The following TSPEAR variants were observed in gnomAD, a reference collection of about 807,000 sequenced individuals.
TSPEAR encodes the protein thrombospondin-type laminin G domain and EAR repeat-containing protein.
Under a neutral mutation model 71.6 loss-of-function variants are expected in TSPEAR, and 69 were observed. That is an observed-to-expected ratio of 0.96 (90% CI 0.79 to 1.18). TSPEAR has a LOEUF of 1.18. Ranked by LOEUF, TSPEAR falls within the 50% of genes most tolerant of loss-of-function variation. TSPEAR has a pLI of 0.00. For missense variants in TSPEAR, 971 were observed against 894.9 expected (o/e 1.09, Z -1.09); for synonymous variants, 402 against 387.2 (o/e 1.04, Z -0.45).
At chr21:44,689,332 C>T (rs1387822280) in intron 1 of TSPEAR, among the ~76,000 whole-genome samples, 1 of 151,932 alleles carries the variant, frequency 6.6e-6, no homozygotes, top group African/African-American at 2.4e-5. Context: ...GAAACCCCGT[C>T]TCTACTAAAA....
rs2053724355 is a variant in TSPEAR, at chr21:44,567,943, T to G, written c.145A>C (p.Arg49=). The change falls in exon 2 of 12, where the codon AGG becomes CGG. Residue 49 remains arginine (R), a synonymous_variant. Transcript: ENST00000323084. Reference sequence around the variant, plus strand: ...CGTGCACCGTGAACCTGAACTATCCTGATCCCGCTTGTGGCGCCATCAGAA... The same window carrying G: ...CGTGCACCGTGAACCTGAACTATCCGGATCCCGCTTGTGGCGCCATCAGAA... ...VPSDGATSGI[R]IVQVHGARGL... is the part of the protein sequence containing the mutation. The G allele has an allele frequency of 1.3e-6, 2 of 1,587,312 alleles. No homozygotes were observed. The highest frequency in any genetic ancestry group is 4.5e-5 in the East Asian group (2 of 44,152).
At chr21:44,526,924 AAAGG>A (rs1257355943) in intron 7 of TSPEAR, among the ~76,000 whole-genome samples, 1 of 152,250 alleles carries the variant, frequency 6.6e-6, no homozygotes, top group East Asian at 1.9e-4. Context: ...ACATTTGAGG[AAAGG>A]AAGGATCAGG....
At chr21:44,513,333 G>A (rs1364713824) in intron 9 of TSPEAR, among the ~76,000 whole-genome samples, 1 of 152,166 alleles carries the variant, frequency 6.6e-6, no homozygotes, top group African/African-American at 2.4e-5. Flanking sequence ...CAGGGGCTGT[G>A]CCAACCCAGG....
At chr21:44,525,560 GTTT>G (rs1422272789) in intron 8 of TSPEAR, 90 bp downstream of exon 8, 3 of 1,333,354 alleles carry the variant, frequency 2.2e-6, no homozygotes, top group East Asian at 2.3e-5. Flanking sequence ...GTGGCTTATT[GTTT>G]TCTAATAAGA....
intron 11 of TSPEAR, among the ~76,000 whole-genome samples, chr21:44,503,528 AAGC>A: frequency 9.8e-6 from 1 of 102,334 alleles, no homozygotes; most frequent in Non-Finnish European, 1.9e-5. Flanking sequence ...CCTTGGGGGG[AAGC>A]CGGCCTTGGT....
chr21:44,558,687 G>A lies in TSPEAR; in HGVS notation c.303+9098C>T, dbSNP rs1319007935. 9.9e-6 allele frequency: 16 copies of A among 1,611,672 alleles called. No individual in the cohort carries two copies. Among genetic ancestry groups the A allele is most frequent in the Middle Eastern group, 1.7e-4 (1 of 5,752 alleles). On this transcript the variant is annotated intron_variant, in intron 2 of 11. Transcript: ENST00000323084. Reference sequence around the variant, plus strand: ...CTGCCAGGAGTCAGAGTAAGCGCTGGAGCAGACGGACATGGTAGACGTGGC... The same window carrying A: ...CTGCCAGGAGTCAGAGTAAGCGCTGAAGCAGACGGACATGGTAGACGTGGC...
At chr21:44,693,965 T>C (rs1987222207) in intron 1 of TSPEAR, among the ~76,000 whole-genome samples, 2 of 152,222 alleles carry the variant, frequency 1.3e-5, no homozygotes, top group South Asian at 4.1e-4. Flanking sequence ...ATGAATGGAT[T>C]CACACTTCCC....
chr21:44,650,978 C>G (rs1249671690), intron 1 of TSPEAR, among the ~76,000 whole-genome samples: 1 of 152,158 alleles, frequency 6.6e-6, no homozygotes, highest in African/African-American at 2.4e-5. Flanking sequence ...CTGATGGTCC[C>G]CCAGGTCCAG....
At chr21:44,700,357 C>G (rs545229651) in intron 1 of TSPEAR, among the ~76,000 whole-genome samples, 1 of 152,204 alleles carries the variant, frequency 6.6e-6, no homozygotes, top group African/African-American at 2.4e-5. Context: ...TTGCTGGGGC[C>G]CCTCCTCTGC....
intron 2 of TSPEAR, chr21:44,558,778 G>T (rs1259172982): frequency 3.2e-6 from 5 of 1,543,520 alleles, no homozygotes; most frequent in Non-Finnish European, 3.5e-6. Flanking sequence ...AGTGAGTGAG[G>T]GAGTGAGTGA....
intron 2 of TSPEAR, among the ~76,000 whole-genome samples, chr21:44,567,270 G>C (rs1555921860): frequency 6.6e-6 from 1 of 152,172 alleles, no homozygotes; most frequent in Non-Finnish European, 1.5e-5. Flanking sequence ...CACCACTGTT[G>C]GAAATGCAAA....
Position 44,654,562 on chromosome 21 carries a change from G to A in TSPEAR, c.82+56871C>T, listed in dbSNP as rs587731144. 530 of 1,607,386 alleles carry A rather than the reference G, an allele frequency of 3.3e-4. 6 individuals carry two copies. In the South Asian group the frequency reaches 4.6e-3, roughly 14 times the overall value. Reference sequence around the variant, plus strand: ...GTAGCAGGTGCTGGGGACACAGCACGGGGAGCCAGGGCAGGCCATTGGGCA... The same window carrying A: ...GTAGCAGGTGCTGGGGACACAGCACAGGGAGCCAGGGCAGGCCATTGGGCA... On this transcript the variant is annotated intron_variant, in intron 1 of 11. Coordinates refer to ENST00000323084, the MANE Select transcript of TSPEAR (RefSeq NM_144991.3).
chr21:44,512,030 G>A (rs1333210412), intron 9 of TSPEAR, among the ~76,000 whole-genome samples: 2 of 152,360 alleles, frequency 1.3e-5, no homozygotes, highest in South Asian at 4.1e-4. Flanking sequence ...AGGGCCCAAA[G>A]GCATGGAGGA....
At chr21:44,669,781 T>A (rs1262453111) in intron 1 of TSPEAR, among the ~76,000 whole-genome samples, 3 of 152,112 alleles carry the variant, frequency 2.0e-5, no homozygotes, top group African/African-American at 7.2e-5. Context: ...GCCCCAGCAG[T>A]CCCACCCCCA....
chr21:44,550,903 C>T (rs782555601), intron 2 of TSPEAR: 13 of 1,460,326 alleles, frequency 8.9e-6, no homozygotes, highest in Non-Finnish European at 1.1e-5. Context: ...TTGCAGCAGA[C>T]GGACACACAG....
intron 1 of TSPEAR, chr21:44,627,520 G>A: frequency 6.5e-7 from 1 of 1,534,620 alleles, no homozygotes; most frequent in Non-Finnish European, 8.8e-7. Context: ...CTGCTGTGGG[G>A]CTTCTTCGTG....
chr21:44,702,531 T>C (rs1601583244), intron 1 of TSPEAR: 2 of 1,607,924 alleles, frequency 1.2e-6, no homozygotes, highest in Non-Finnish European at 1.7e-6. Flanking sequence ...CTGTCTGCTC[T>C]GGGGCTTCCT....
chr21:44,585,434 GA>G (rs1418144455), intron 1 of TSPEAR, among the ~76,000 whole-genome samples: 2 of 152,202 alleles, frequency 1.3e-5, no homozygotes, highest in East Asian at 3.9e-4. Flanking sequence ...TTAGTTCAAG[GA>G]ACTTTTATTC....
intron 1 of TSPEAR, among the ~76,000 whole-genome samples, chr21:44,572,032 G>A (rs1427247718): frequency 1.3e-5 from 2 of 152,206 alleles, no homozygotes; most frequent in Non-Finnish European, 2.9e-5. Flanking sequence ...CAATTACAGA[G>A]GGAAACGGCG....
Sources: allele counts gnomAD v4.1 joint callset (sites outside exome capture counted in the v4.1 genomes callset), GRCh38; gene constraint gnomAD v4.1.1; transcripts MANE v1.5; gene names NCBI Gene and HGNC (gene_info 2026-07-23, HGNC 2026-07-21).